KYAT3: variants seen among roughly 807,000 people sequenced by gnomAD.
The protein encoded by KYAT3 is kynurenine aminotransferase 3.
KYAT3 carries 50 observed loss-of-function variants against 59.0 expected under a neutral mutation model. That is an observed-to-expected ratio of 0.85 (90% CI 0.68 to 1.07). KYAT3 has a LOEUF of 1.07. KYAT3 is among the 50% of genes least tolerant of loss of function. KYAT3 has a pLI of 0.00. For missense variants in KYAT3, 497 were observed against 533.3 expected (o/e 0.93, Z 0.67); for synonymous variants, 148 against 177.0 (o/e 0.84, Z 1.30).
chr1:88,955,715 A>G (rs1026401194), intron 8 of KYAT3, among the ~76,000 whole-genome samples: 3 of 152,200 alleles, frequency 2.0e-5, no homozygotes, highest in African/African-American at 7.2e-5. Flanking sequence ...GTGATCTCAC[A>G]CTAGCAATAT....
intron 6 of KYAT3, among the ~76,000 whole-genome samples, chr1:88,961,821 C>A (rs531400311): frequency 6.6e-6 from 1 of 152,306 alleles, no homozygotes; most frequent in East Asian, 1.9e-4. Flanking sequence ...TTCACAGGAA[C>A]TAGCTATAAC....
At chr1:88,973,944 G>A (rs2101062923) in intron 2 of KYAT3, among the ~76,000 whole-genome samples, 1 of 152,308 alleles carries the variant, frequency 6.6e-6, no homozygotes, top group South Asian at 2.1e-4. Flanking sequence ...CTGAAGCTGG[G>A]AGAATTGAGG....
At chr1:88,984,947 C>T (rs1244705238) in intron 2 of KYAT3, among the ~76,000 whole-genome samples, 2 of 152,176 alleles carry the variant, frequency 1.3e-5, no homozygotes, top group Non-Finnish European at 2.9e-5. Context: ...TGTCTGGTTA[C>T]TTCATATCAC....
intron 2 of KYAT3, among the ~76,000 whole-genome samples, chr1:88,986,721 A>C (rs944578683): frequency 3.3e-5 from 5 of 152,206 alleles, no homozygotes; most frequent in Non-Finnish European, 7.3e-5. Context: ...GCAGATTTTC[A>C]TGACATTAAG....
chr1:88,984,204 C>CTTTTTT lies in KYAT3; in HGVS notation c.99+4042_99+4047dup, dbSNP rs908183722. 2.0e-3 allele frequency: 166 copies of CTTTTTT among 81,754 alleles called. 13 individuals are homozygous for CTTTTTT. The highest frequency in any genetic ancestry group is 3.8e-3 in the African/African-American group (88 of 22,858). 5.1% of individuals were successfully genotyped at this position (81,754 alleles called of 1,614,324 possible). On this transcript the variant is annotated intron_variant, in intron 2 of 13. Coordinates refer to ENST00000260508, the MANE Select transcript of KYAT3 (RefSeq NM_001008661.3). ...ATTAACAGGAGCCCTTTTTTTGTTG[C>CTTTTTT]TTTTTTTTTTTTTTTTTTTTTTTTT...
At chr1:88,989,133 A>T (rs770784712) in intron 1 of KYAT3, among the ~76,000 whole-genome samples, 2 of 152,238 alleles carry the variant, frequency 1.3e-5, no homozygotes, top group Non-Finnish European at 2.9e-5. Flanking sequence ...TTGTTCTCTT[A>T]AGTCTACTGT....
Position 88,985,210 on chromosome 1 carries a change from T to C in KYAT3, c.99+3042A>G, listed in dbSNP as rs557673921. On this transcript the variant is annotated intron_variant, in intron 2 of 13. Coordinates refer to ENST00000260508, the MANE Select transcript of KYAT3 (RefSeq NM_001008661.3). Reference sequence around the variant, plus strand: ...AAAAAATTGGGTTCAAGCCAAGACCTTGGAAGAGTGAGTAAGTGAAGGGAG... The same window carrying C: ...AAAAAATTGGGTTCAAGCCAAGACCCTGGAAGAGTGAGTAAGTGAAGGGAG... Among the ~76,000 whole-genome samples the C allele has an allele frequency of 4.1e-3, 629 of 152,282 alleles. 2 individuals are homozygous for C. The highest frequency in any genetic ancestry group is 6.4e-3 in the Non-Finnish European group (436 of 68,022).
chr1:88,972,778 C>A (rs1006467612), intron 2 of KYAT3, among the ~76,000 whole-genome samples: 8 of 152,150 alleles, frequency 5.3e-5, no homozygotes, highest in Non-Finnish European at 7.3e-5. Flanking sequence ...TTGGGCAGAG[C>A]AATTTCACAG....
chr1:88,942,625 C>T (rs1006705788), intron 13 of KYAT3, among the ~76,000 whole-genome samples: 8 of 151,800 alleles, frequency 5.3e-5, no homozygotes, highest in African/African-American at 9.7e-5. Context: ...TGCAGTGGTG[C>T]GATCTCGGCT....
At chr1:88,975,342 T>C (rs377725233) in intron 2 of KYAT3, among the ~76,000 whole-genome samples, 7 of 152,136 alleles carry the variant, frequency 4.6e-5, no homozygotes, top group Non-Finnish European at 1.0e-4. Flanking sequence ...TAGGAGAGAC[T>C]GGGTTTCACC....
At chr1:88,992,201 A>G in intron 1 of KYAT3, among the ~76,000 whole-genome samples, 1 of 151,996 alleles carries the variant, frequency 6.6e-6, no homozygotes, top group Non-Finnish European at 1.5e-5. Context: ...GATGGTCTCG[A>G]TCTCCTGACC....
chr1:88,935,120 A>G (rs897361090), downstream of KYAT3, among the ~76,000 whole-genome samples: 1 of 151,098 alleles, frequency 6.6e-6, no homozygotes, highest in African/African-American at 2.4e-5. Context: ...CAGCCTCCCA[A>G]GTAGCTGGGA....
rs544960798 is a variant in KYAT3, at chr1:88,988,697, A to G, written c.-1-346T>C. Among the ~76,000 whole-genome samples the G allele has an allele frequency of 6.6e-5, 10 of 152,368 alleles. No individual in the cohort carries two copies. In the South Asian group the frequency reaches 2.1e-3, roughly 32 times the overall value. ...TTCTAGCAGCTATAAAATCCAGAGT[A>G]TTTCAATCTAGGAACTACTCAAATT... On this transcript the variant is annotated intron_variant, in intron 1 of 13. Transcript: ENST00000260508.
intron 2 of KYAT3, among the ~76,000 whole-genome samples, chr1:88,984,480 G>C (rs552819382): frequency 6.6e-6 from 1 of 152,312 alleles, no homozygotes; most frequent in African/African-American, 2.4e-5. Context: ...CCAGTGTTGG[G>C]ATTATAAGGG....
chr1:88,941,199 A>G (rs1675220234), intron 13 of KYAT3, among the ~76,000 whole-genome samples: 1 of 152,202 alleles, frequency 6.6e-6, no homozygotes, highest in Non-Finnish European at 1.5e-5. Flanking sequence ...GTTCTTTAAA[A>G]TTTCAGTCAA....
intron 5 of KYAT3, 92 bp from the exon 6 acceptor site, chr1:88,962,237 G>A (rs1353581133): frequency 1.7e-5 from 16 of 966,106 alleles, no homozygotes; most frequent in Non-Finnish European, 2.6e-5. Flanking sequence ...ACTGTACTAT[G>A]TGTTGGGATA....
chr1:88,965,546 C>CT (rs1298354391), intron 4 of KYAT3, among the ~76,000 whole-genome samples: 2 of 152,168 alleles, frequency 1.3e-5, no homozygotes, highest in Non-Finnish European at 2.9e-5. Context: ...AAGGTAACTA[C>CT]TTTCATAGGA....
chr1:88,973,249 T>A (rs1676627629), intron 2 of KYAT3, among the ~76,000 whole-genome samples: 1 of 152,212 alleles, frequency 6.6e-6, no homozygotes, highest in Admixed American at 6.5e-5. Flanking sequence ...GATACTTATC[T>A]CAGACTTTTA....
At chr1:88,975,003 G>A (rs917609075) in intron 2 of KYAT3, among the ~76,000 whole-genome samples, 2 of 152,170 alleles carry the variant, frequency 1.3e-5, no homozygotes, top group African/African-American at 2.4e-5. Flanking sequence ...TGGTGTGGAA[G>A]CTTTGTTCTT....
Sources: allele counts gnomAD v4.1 joint callset (sites outside exome capture counted in the v4.1 genomes callset), GRCh38; gene constraint gnomAD v4.1.1; transcripts MANE v1.5; gene names NCBI Gene and HGNC (gene_info 2026-07-23, HGNC 2026-07-21).